Variants in MAGI1 observed in about 807,000 individuals in gnomAD.
The protein encoded by MAGI1 is membrane associated guanylate kinase, WW and PDZ domain containing 1.
MAGI1 carries 58 observed loss-of-function variants against 139.9 expected under a neutral mutation model. That is an observed-to-expected ratio of 0.41 (90% confidence interval 0.34 to 0.52). The LOEUF (loss-of-function observed/expected upper bound fraction) is 0.52. Among genes scored for constraint, MAGI1 ranks in the 20% least tolerant of loss-of-function variants. MAGI1 has a pLI of 0.12. For missense variants in MAGI1, 1,874 were observed against 1,901.6 expected, an observed-to-expected ratio of 0.99 and a Z score of 0.27; for synonymous variants, 812 against 737.9, an observed-to-expected ratio of 1.10 and a Z score of -1.63.
chr3:66,010,739 C>G (rs1386355454), intron 1 of MAGI1, among the ~76,000 whole-genome samples: 2 of 152,178 alleles, frequency 1.3e-5, no homozygotes, highest in African/African-American at 4.8e-5. Flanking sequence ...AGTCCCATAA[C>G]CCCTACATGA....
intron 1 of MAGI1, among the ~76,000 whole-genome samples, chr3:65,963,138 C>G (rs1473502222): frequency 7.2e-6 from 1 of 138,686 alleles, no homozygotes; most frequent in African/African-American, 2.8e-5. Flanking sequence ...CGAAAACAGC[C>G]TGGCCAACAC....
chr3:65,457,848 A>T (rs1004221179), intron 5 of MAGI1, among the ~76,000 whole-genome samples: 29 of 152,146 alleles, frequency 1.9e-4, no homozygotes, highest in African/African-American at 7.0e-4. Flanking sequence ...TTACATTATT[A>T]TTGACTACAG....
At chr3:65,611,756 C>T (rs1456232908) in intron 2 of MAGI1, among the ~76,000 whole-genome samples, 2 of 146,898 alleles carry the variant, frequency 1.4e-5, no homozygotes, top group African/African-American at 2.5e-5. Flanking sequence ...AGTATATATA[C>T]ACATATATAG....
intron 1 of MAGI1, chr3:65,718,467 C>T (rs2032560341): frequency 1.3e-5 from 2 of 152,140 alleles, no homozygotes; most frequent in African/African-American, 2.4e-5. Context: ...CAATGTTGTA[C>T]CTTTGCTCTA....
In MAGI1 at chr3:65,465,650, G is replaced by A. The variant is rs548057503; in HGVS notation, c.959+4633C>T. ...CATACATAGGGTGTCATTTCTCATC[G>A]CTTTCAACCTTTTTCTGGTTTTAGT... On this transcript the variant is annotated intron_variant, in intron 5 of 22. Coordinates refer to ENST00000402939, the MANE Select transcript of MAGI1 (RefSeq NM_001033057.2). Among the ~76,000 whole-genome samples, 8 of 151,994 alleles carry A rather than the reference G, an allele frequency of 5.3e-5. No individual in the cohort carries two copies. In the South Asian group the frequency reaches 8.3e-4, roughly 16 times the overall value.
chr3:65,681,859 T>G (rs1038214043), intron 1 of MAGI1, among the ~76,000 whole-genome samples: 3 of 152,126 alleles, frequency 2.0e-5, no homozygotes, highest in African/African-American at 7.2e-5. Flanking sequence ...CTTTTTTTGT[T>G]TTTTTGTTGT....
rs1944913971 is a variant in MAGI1 at position 65,401,747 on chromosome 3, C to T, written c.2168-277G>A. On this transcript the variant is annotated intron_variant, in intron 12 of 22. Coordinates refer to ENST00000402939, the MANE Select transcript of MAGI1 (RefSeq NM_001033057.2). The stretch of plus-strand genomic sequence containing the variant: ...GGGAAAAGAAATTCACAGACCTCAG[C>T]GGCCTGGGAAATTGAACACTTGGAC... 12 of 1,437,044 alleles carry T rather than the reference C, an allele frequency of 8.4e-6. No individual in the cohort carries two copies. In the East Asian group the frequency reaches 1.9e-4, roughly 23 times the overall value. 89.0% of individuals were successfully genotyped at this position (1,437,044 alleles called of 1,614,324 possible).
At chr3:65,580,020 T>C (rs1278963447) in intron 2 of MAGI1, among the ~76,000 whole-genome samples, 2 of 152,138 alleles carry the variant, frequency 1.3e-5, no homozygotes, top group Non-Finnish European at 2.9e-5. Flanking sequence ...GGCAAAGACT[T>C]TTTCTGCCTC....
At chr3:65,695,936 ACC>A (rs1253690032) in intron 1 of MAGI1, among the ~76,000 whole-genome samples, 1 of 152,042 alleles carries the variant, frequency 6.6e-6, no homozygotes, top group Non-Finnish European at 1.5e-5. Flanking sequence ...CCTTGTTGCT[ACC>A]CTCCACAAGC....
At chr3:65,388,273 T>C (rs1943608152) in intron 14 of MAGI1, among the ~76,000 whole-genome samples, 1 of 152,324 alleles carries the variant, frequency 6.6e-6, no homozygotes, top group Admixed American at 6.5e-5. Context: ...CGTTCACAGA[T>C]TGTGTTAATC....
intron 2 of MAGI1, among the ~76,000 whole-genome samples, chr3:65,592,021 T>C (rs564033344): frequency 6.6e-6 from 1 of 152,290 alleles, no homozygotes; most frequent in East Asian, 1.9e-4. Flanking sequence ...CACTCAACTA[T>C]TACATGTACT....
intron 2 of MAGI1, among the ~76,000 whole-genome samples, chr3:65,600,471 G>A (rs1443779246): frequency 6.6e-6 from 1 of 152,194 alleles, no homozygotes; most frequent in Non-Finnish European, 1.5e-5. Context: ...TTTCTCAGAG[G>A]TGTAGTATCT....
chr3:65,729,539 T>A (rs1386693995), intron 1 of MAGI1, among the ~76,000 whole-genome samples: 1 of 152,196 alleles, frequency 6.6e-6, no homozygotes, highest in Non-Finnish European at 1.5e-5. Flanking sequence ...CAGCCAAAGG[T>A]TTAGAAACAA....
At chr3:66,027,990 T>G (rs1341796108) in intron 1 of MAGI1, among the ~76,000 whole-genome samples, 1 of 152,222 alleles carries the variant, frequency 6.6e-6, no homozygotes, top group Non-Finnish European at 1.5e-5. Context: ...CTAACTGACG[T>G]ACCTCCATTT....
chr3:65,744,632 A>G (rs61503465), intron 1 of MAGI1, among the ~76,000 whole-genome samples: 23,993 of 152,078 alleles, frequency 0.16, 2,111 homozygotes, highest in Non-Finnish European at 0.21. Context: ...GATATAGACT[A>G]TATTATACTC....
intron 1 of MAGI1, among the ~76,000 whole-genome samples, chr3:65,950,893 T>G (rs2063805635): frequency 1.3e-5 from 2 of 151,120 alleles, no homozygotes; most frequent in African/African-American, 2.4e-5. Flanking sequence ...CTGGGCCACA[T>G]TAAAAGAATT....
At chr3:65,505,850 T>C (rs1027500798) in intron 2 of MAGI1, among the ~76,000 whole-genome samples, 1 of 152,066 alleles carries the variant, frequency 6.6e-6, no homozygotes, top group African/African-American at 2.4e-5. Flanking sequence ...AAAAAACTCT[T>C]ACACTGCAGA....
chr3:65,627,782 A>G (rs1235107227), intron 1 of MAGI1, among the ~76,000 whole-genome samples: 1 of 151,992 alleles, frequency 6.6e-6, no homozygotes, highest in African/African-American at 2.4e-5. Context: ...CTAGGATTAC[A>G]GGCTTGAGCC....
chr3:65,797,099 C>A (rs1032807410), intron 1 of MAGI1, among the ~76,000 whole-genome samples: 1 of 152,090 alleles, frequency 6.6e-6, no homozygotes, highest in African/African-American at 2.4e-5. Flanking sequence ...ACATGAAGCT[C>A]AAGTGGTTAT....
Sources: allele counts gnomAD v4.1 joint callset (sites outside exome capture counted in the v4.1 genomes callset), GRCh38; gene constraint gnomAD v4.1.1; transcripts MANE v1.5; gene names NCBI Gene and HGNC (gene_info 2026-07-23, HGNC 2026-07-21).